The following PITPNC1 variants were observed in gnomAD, a reference collection of about 807,000 sequenced individuals.
PITPNC1 encodes the protein phosphatidylinositol transfer protein cytoplasmic 1.
A neutral mutation model predicts 44.7 loss-of-function variants in PITPNC1; 18 were observed. The ratio of observed to expected loss-of-function variants is 0.40; its 90% CI spans 0.28 to 0.60. The LOEUF is 0.60. PITPNC1 is among the 20% of genes least tolerant of loss of function. The pLI is 0.39. For missense variants in PITPNC1, 290 were observed against 418.4 expected, an observed-to-expected ratio of 0.69 and a Z score of 2.68; for synonymous variants, 141 against 149.6, an observed-to-expected ratio of 0.94 and a Z score of 0.42.
At chr17:67,623,386 C>A (rs2144316991) in intron 5 of PITPNC1, among the ~76,000 whole-genome samples, 2 of 152,090 alleles carry the variant, frequency 1.3e-5, no homozygotes, top group South Asian at 4.2e-4. Flanking sequence ...CTTTTCTTTT[C>A]TTTTTTCTTC....
intron 1 of PITPNC1, among the ~76,000 whole-genome samples, chr17:67,473,232 A>C (rs1313673923): frequency 6.6e-6 from 1 of 151,834 alleles, no homozygotes; most frequent in Non-Finnish European, 1.5e-5. Flanking sequence ...ATAGAGTCTC[A>C]CTATGTTGCC....
At position 67,437,301 on chromosome 17, in the gene PITPNC1, A is replaced by G. The variant is rs564189707; in HGVS notation, c.48+59099A>G. On this transcript the variant is annotated intron_variant, in intron 1 of 8. Coordinates refer to ENST00000581322, the MANE Select transcript of PITPNC1 (RefSeq NM_012417.4). ...GAAATTAGAGTGGGACCTGTATCCA[A>G]TGACTGATGTCCTTATAGGAAGGGG... Among the ~76,000 whole-genome samples, 7 of 152,210 alleles carry G rather than the reference A, an allele frequency of 4.6e-5. No individual in the cohort carries two copies. The South Asian group carries it at 1.5e-3, about 32-fold the overall frequency.
chr17:67,501,727 GGA>G (rs2144070008), intron 1 of PITPNC1, among the ~76,000 whole-genome samples: 1 of 152,272 alleles, frequency 6.6e-6, no homozygotes, highest in East Asian at 1.9e-4. Flanking sequence ...CAGCTACTTG[GGA>G]GGCTGAAGCA....
intron 1 of PITPNC1, among the ~76,000 whole-genome samples, chr17:67,523,401 C>T (rs775593860): frequency 6.6e-6 from 1 of 152,144 alleles, no homozygotes; most frequent in Non-Finnish European, 1.5e-5. Flanking sequence ...CTGCAAGTCA[C>T]AGTCAGACAT....
Position 67,454,884 on chromosome 17 carries a change from A to G in PITPNC1, c.48+76682A>G, listed in dbSNP as rs369396440. On this transcript the variant is annotated intron_variant, in intron 1 of 8. Coordinates refer to ENST00000581322, the MANE Select transcript of PITPNC1 (RefSeq NM_012417.4). ...ACCCAGGCTGGAGTGCACTGGTGCA[A>G]TCACAGCTCACTGCAGCCTCCACCT... Among the ~76,000 whole-genome samples the G allele has an allele frequency of 2.3e-4, 35 of 149,828 alleles. No homozygotes were observed. In the East Asian group the frequency reaches 5.1e-3, roughly 22 times the overall value.
intron 6 of PITPNC1, among the ~76,000 whole-genome samples, chr17:67,636,655 G>A (rs1262681231): frequency 1.3e-5 from 2 of 152,074 alleles, no homozygotes; most frequent in South Asian, 2.1e-4. Context: ...CGACTCCCTC[G>A]TAACCCCAGC....
chr17:67,381,180 T>G (rs1050996104), intron 1 of PITPNC1, among the ~76,000 whole-genome samples: 1 of 151,804 alleles, frequency 6.6e-6, no homozygotes, highest in Non-Finnish European at 1.5e-5. Flanking sequence ...ACAAAAAAAT[T>G]AAGCAGGCCT....
At chr17:67,523,829 T>TA (rs1282693466) in intron 1 of PITPNC1, among the ~76,000 whole-genome samples, 1 of 149,778 alleles carries the variant, frequency 6.7e-6, no homozygotes, top group Non-Finnish European at 1.5e-5. Flanking sequence ...TTTTTTTTTT[T>TA]TAATTGAGAC....
chr17:67,512,357 C>G (rs948082759), intron 1 of PITPNC1, among the ~76,000 whole-genome samples: 1 of 152,030 alleles, frequency 6.6e-6, no homozygotes, highest in African/African-American at 2.4e-5. Flanking sequence ...AAAAATTAGT[C>G]AGGCGTGATG....
At chr17:67,476,188 C>CTTT (rs10633927) in intron 1 of PITPNC1, among the ~76,000 whole-genome samples, 49,842 of 137,426 alleles carry the variant, frequency 0.36, 9,355 homozygotes, top group African/African-American at 0.41. Context: ...TCTTTCTTTT[C>CTTT]TTTTTTTTTT....
At position 67,378,219 on chromosome 17, in the gene PITPNC1, G is replaced by C; in HGVS notation, c.48+17G>C. ...GTAGACGAGGTAAGCGCCGCGCCCG[G>C]CCCGGCCTCGCCCGCTCCGGGACCC... On this transcript the variant is annotated intron_variant, in intron 1 of 8. Coordinates refer to ENST00000581322, the MANE Select transcript of PITPNC1 (RefSeq NM_012417.4). 6.8e-7 allele frequency: 1 copy of C among 1,481,234 alleles called. No individual in the cohort carries two copies. Among genetic ancestry groups the C allele is most frequent in the South Asian group, 1.3e-5 (1 of 77,774 alleles). The allele number at this position is 1,481,234 out of a possible 1,614,324, so 91.8% of individuals were successfully genotyped here. A position where few individuals can be genotyped will look rare whatever the true frequency, so the allele number is the denominator to read the frequency against.
chr17:67,614,928 A>C (rs1462696934), intron 5 of PITPNC1, among the ~76,000 whole-genome samples: 1 of 152,188 alleles, frequency 6.6e-6, no homozygotes, highest in Admixed American at 6.5e-5. Context: ...TGGTCTATGA[A>C]GGCAAGAGTG....
chr17:67,662,451 AAAG>A (rs967955987), intron 6 of PITPNC1, among the ~76,000 whole-genome samples: 2 of 152,180 alleles, frequency 1.3e-5, no homozygotes, highest in Non-Finnish European at 2.9e-5. Flanking sequence ...ATCTCAAAAA[AAAG>A]AAGAAAGTGG....
intron 5 of PITPNC1, among the ~76,000 whole-genome samples, chr17:67,624,238 G>C (rs1466010950): frequency 7.4e-6 from 1 of 135,398 alleles, no homozygotes. Flanking sequence ...TTTCCTCAGG[G>C]TTTCACTCTG....
chr17:67,498,460 G>A (rs970837476), intron 1 of PITPNC1, among the ~76,000 whole-genome samples: 1 of 152,140 alleles, frequency 6.6e-6, no homozygotes, highest in Admixed American at 6.5e-5. Flanking sequence ...GAACATTTAG[G>A]TTGTCTCCAA....
chr17:67,527,422 C>T (rs549589822), intron 1 of PITPNC1, among the ~76,000 whole-genome samples: 92 of 152,244 alleles, frequency 6.0e-4, no homozygotes, highest in Non-Finnish European at 1.2e-3. Context: ...TGAACATAGG[C>T]GGCCGGGTGT....
At chr17:67,494,978 C>CA (rs112686327) in intron 1 of PITPNC1, among the ~76,000 whole-genome samples, 8,377 of 121,456 alleles carry the variant, frequency 0.069, 646 homozygotes, top group African/African-American at 0.2. Context: ...CTCAAACTGG[C>CA]AAAAAAAAAC....
chr17:67,422,768 A>G (rs1464998936), intron 1 of PITPNC1, among the ~76,000 whole-genome samples: 1 of 152,020 alleles, frequency 6.6e-6, no homozygotes, highest in African/African-American at 2.4e-5. Context: ...CGAACTCCTG[A>G]CCTCACGTGA....
At chr17:67,512,739 TC>T (rs1215796496) in intron 1 of PITPNC1, among the ~76,000 whole-genome samples, 1 of 152,124 alleles carries the variant, frequency 6.6e-6, no homozygotes. Flanking sequence ...CTCAATATTT[TC>T]CAATACATTT....
Sources: allele counts gnomAD v4.1 joint callset (sites outside exome capture counted in the v4.1 genomes callset), GRCh38; gene constraint gnomAD v4.1.1; transcripts MANE v1.5; gene names NCBI Gene and HGNC (gene_info 2026-07-23, HGNC 2026-07-21).